The following ARB2A variants were observed in gnomAD, a reference collection of about 807,000 sequenced individuals.
ARB2A encodes the protein cotranscriptional regulator ARB2A.
the ARB2A span, among the ~76,000 whole-genome samples, chr5:93,632,906 T>C: frequency 1.3e-5 from 2 of 152,232 alleles, no homozygotes; most frequent in East Asian, 1.9e-4. Flanking sequence ...GCTTCTGTCA[T>C]ATACTCTGAT....
At chr5:93,680,667 A>G in the ARB2A span, among the ~76,000 whole-genome samples, 2 of 152,186 alleles carry the variant, frequency 1.3e-5, no homozygotes, top group Non-Finnish European at 2.9e-5. Context: ...AATGATGGTA[A>G]GACAAAGGTT....
the ARB2A span, among the ~76,000 whole-genome samples, chr5:93,985,926 C>T: frequency 6.6e-6 from 1 of 150,922 alleles, no homozygotes; most frequent in Non-Finnish European, 1.5e-5. Context: ...GCCACCCAGT[C>T]TGGGAAGTGA....
the ARB2A span, among the ~76,000 whole-genome samples, chr5:94,109,150 CATT>C: frequency 6.6e-6 from 1 of 152,110 alleles, no homozygotes; most frequent in African/African-American, 2.4e-5. Flanking sequence ...ACGTTGGAGA[CATT>C]ATACTAAGTG....
At chr5:93,709,586 T>C in the ARB2A span, among the ~76,000 whole-genome samples, 41 of 134,322 alleles carry the variant, frequency 3.1e-4, no homozygotes, top group South Asian at 4.7e-3. Flanking sequence ...TGAGCCAAGA[T>C]TGCACCATTG....
the ARB2A span, among the ~76,000 whole-genome samples, chr5:93,842,503 T>C: frequency 6.6e-6 from 1 of 152,064 alleles, no homozygotes; most frequent in Non-Finnish European, 1.5e-5. Context: ...CCTAAAACTA[T>C]GGTAAAAGAT....
At chr5:93,691,207 G>C in the ARB2A span, among the ~76,000 whole-genome samples, 2 of 152,028 alleles carry the variant, frequency 1.3e-5, no homozygotes, top group Non-Finnish European at 2.9e-5. Context: ...GGAGTCAGAA[G>C]ATGGATAATA....
chr5:93,671,514 A>G, the ARB2A span, among the ~76,000 whole-genome samples: 1 of 152,122 alleles, frequency 6.6e-6, no homozygotes, highest in Admixed American at 6.5e-5. Flanking sequence ...TATTGAAATC[A>G]TTTCCAATAT....
chr5:94,007,618 C>CA, the ARB2A span, among the ~76,000 whole-genome samples: 552 of 151,926 alleles, frequency 3.6e-3, 4 homozygotes, highest in Non-Finnish European at 6.6e-3. Flanking sequence ...ATTAAAAATA[C>CA]AAAAAAATTA....
At chr5:93,996,510 T>C in the ARB2A span, among the ~76,000 whole-genome samples, 14 of 152,190 alleles carry the variant, frequency 9.2e-5, no homozygotes, top group Non-Finnish European at 1.8e-4. Flanking sequence ...AAATAAACTA[T>C]TATTGGTTCA....
At chr5:93,805,405 C>T in the ARB2A span, 11 of 984,984 alleles carry the variant, frequency 1.1e-5, no homozygotes, top group Middle Eastern at 5.2e-4. Context: ...GCAAAACCCC[C>T]GTTTCCCCAG....
chr5:93,701,787 T>TA, the ARB2A span, among the ~76,000 whole-genome samples: 1 of 152,154 alleles, frequency 6.6e-6, no homozygotes. Flanking sequence ...TGATTAAAAT[T>TA]ATAGATCTTT....
the ARB2A span, among the ~76,000 whole-genome samples, chr5:93,687,241 A>AT: frequency 9.2e-5 from 14 of 152,204 alleles, no homozygotes; most frequent in Non-Finnish European, 1.9e-4. Flanking sequence ...AATTTAATTG[A>AT]TTTTTTGCAG....
chr5:93,836,228 C>T, the ARB2A span, among the ~76,000 whole-genome samples: 8 of 152,064 alleles, frequency 5.3e-5, no homozygotes, highest in South Asian at 2.1e-4. Flanking sequence ...GGGGTTTCAC[C>T]GTGTTAGCCA....
chr5:93,730,769 T>TA, the ARB2A span, among the ~76,000 whole-genome samples: 9 of 152,152 alleles, frequency 5.9e-5, no homozygotes, highest in Non-Finnish European at 1.0e-4. Flanking sequence ...TGGGGAAATT[T>TA]AAGAATCATA....
chr5:93,830,309 G>GTATATATATA, the ARB2A span, among the ~76,000 whole-genome samples: 47 of 49,628 alleles, frequency 9.5e-4, no homozygotes, highest in African/African-American at 4.1e-3. Context: ...ATGTGTGTGT[G>GTATATATATA]TGTATATATA....
the ARB2A span, among the ~76,000 whole-genome samples, chr5:93,840,194 T>C: frequency 3.8e-3 from 575 of 152,276 alleles, 3 homozygotes; most frequent in Non-Finnish European, 5.9e-3. Context: ...AATTCAGGTA[T>C]GTTGTATCTT....
At chr5:93,813,985 T>C in the ARB2A span, among the ~76,000 whole-genome samples, 1 of 152,224 alleles carries the variant, frequency 6.6e-6, no homozygotes, top group Non-Finnish European at 1.5e-5. Context: ...GAATTCCTAA[T>C]CAATTTCCAT....
chr5:93,843,225 T>G, the ARB2A span, among the ~76,000 whole-genome samples: 1 of 152,166 alleles, frequency 6.6e-6, no homozygotes, highest in African/African-American at 2.4e-5. Context: ...TTTTAATCCC[T>G]ACTGATAAAT....
the ARB2A span, among the ~76,000 whole-genome samples, chr5:94,095,124 C>A: frequency 6.6e-6 from 1 of 152,204 alleles, no homozygotes; most frequent in East Asian, 1.9e-4. Context: ...TGACTGCCCA[C>A]ATGGTTGAGG....
Sources: gnomAD v4.1 joint callset for allele counts (sites outside exome capture counted in the v4.1 genomes callset) on GRCh38, gnomAD v4.1.1 for gene constraint, MANE v1.5 for transcripts, NCBI Gene and HGNC (gene_info 2026-07-23, HGNC 2026-07-21) for gene names.